UBE4B: variants seen among roughly 807,000 people sequenced by gnomAD.
UBE4B encodes ubiquitination factor E4B.
In UBE4B, 27 loss-of-function variants were observed where a neutral mutation model predicts 148.1. The ratio of observed to expected loss-of-function variants is 0.18; its 90% CI spans 0.13 to 0.25. The LOEUF (loss-of-function observed/expected upper bound fraction) is 0.25. Ranked by LOEUF, UBE4B falls within the 10% of genes least tolerant of loss-of-function variation. The pLI, the probability that UBE4B is intolerant of heterozygous loss-of-function variation, is 1.00. For missense variants in UBE4B, 1,170 were observed against 1,662.4 expected, an observed-to-expected ratio of 0.70 and a Z score of 5.15; for synonymous variants, 596 against 619.3, an observed-to-expected ratio of 0.96 and a Z score of 0.56.
chr1:10,157,017 T>TG (rs1301819507), intron 21 of UBE4B, among the ~76,000 whole-genome samples: 1 of 151,606 alleles, frequency 6.6e-6, no homozygotes, highest in African/African-American at 2.4e-5. Context: ...AAATTAAAAG[T>TG]GAAAAAAAAA....
intron 14 of UBE4B, 85 bp from the exon 15 acceptor site, chr1:10,132,284 A>C (rs539879512): frequency 1.1e-6 from 1 of 949,486 alleles, no homozygotes; most frequent in African/African-American, 1.6e-5. Context: ...GAACGTGGGA[A>C]GTAGGCTAGC....
chr1:10,117,327 T>C, intron 7 of UBE4B, 132 bp from the exon 8 acceptor site: 5 of 1,143,856 alleles, frequency 4.4e-6, no homozygotes, highest in Non-Finnish European at 6.2e-6. Context: ...TCAGGGTGGA[T>C]CTTGGCCGCA....
At chr1:10,121,531 C>T (rs1028722365) in intron 9 of UBE4B, among the ~76,000 whole-genome samples, 7 of 152,086 alleles carry the variant, frequency 4.6e-5, no homozygotes, top group African/African-American at 1.7e-4. Context: ...GTAGCCAGGA[C>T]TCCAGGCACA....
chr1:10,135,776 C>G (rs1273150581), intron 16 of UBE4B, among the ~76,000 whole-genome samples: 1 of 138,744 alleles, frequency 7.2e-6, no homozygotes, highest in Admixed American at 7.3e-5. Flanking sequence ...AAAAAAAAAT[C>G]AAGTTATCAT....
chr1:10,095,401 T>C, intron 2 of UBE4B, 60 bp from the exon 3 acceptor site: 1 of 1,599,026 alleles, frequency 6.3e-7, no homozygotes, highest in Non-Finnish European at 8.5e-7. Context: ...CTGTCGCTAT[T>C]ACAAATAACT....
Position 10,158,396 on chromosome 1 carries a change from G to A in UBE4B, c.2967G>A (p.Lys989=), listed in dbSNP as rs1181053133. 1 of 1,614,136 alleles carries A rather than the reference G, an allele frequency of 6.2e-7. No individual in the cohort carries two copies. The highest frequency in any genetic ancestry group is 1.7e-5 in the Admixed American group (1 of 60,008). Residue 989 remains lysine, a synonymous_variant, in exon 22 of 28, where the codon AAG becomes AAA. Transcript: ENST00000343090. ...HTGATSEFYD[K]FTIRYHISTI... is the part of the protein sequence containing the mutation. Reference sequence around the variant, plus strand: ...GAGCCACCAGTGAGTTTTATGACAAGTTCACAATTCGCTATCATATTAGCA... The same window carrying A: ...GAGCCACCAGTGAGTTTTATGACAAATTCACAATTCGCTATCATATTAGCA...
At chr1:10,119,381 C>T (rs775837082) in intron 8 of UBE4B, 132 bp from the exon 9 acceptor site, 38 of 766,428 alleles carry the variant, frequency 5.0e-5, no homozygotes, top group Non-Finnish European at 7.0e-5. Flanking sequence ...TACTGTAGCT[C>T]GTTCACTAAG....
At chr1:10,118,369 G>A (rs1166835449) in intron 8 of UBE4B, among the ~76,000 whole-genome samples, 2 of 152,008 alleles carry the variant, frequency 1.3e-5, no homozygotes, top group African/African-American at 2.4e-5. Flanking sequence ...ATGGAGTCTC[G>A]TTCTCTCACC....
rs535446273 is a variant in UBE4B, at chr1:10,101,786, C to A, written c.435+591C>A. 9.3e-4 allele frequency among the ~76,000 whole-genome samples: 141 copies of A among 152,174 alleles called. 1 individual carries two copies. The Middle Eastern group carries it at 0.01, about 11-fold the overall frequency. Reference sequence around the variant, plus strand: ...GCTTCCCAAAGTGTGGGATTACAGGCGTGAGCCACTGCGCCTGGCCTGGTC... The same window carrying A: ...GCTTCCCAAAGTGTGGGATTACAGGAGTGAGCCACTGCGCCTGGCCTGGTC... On this transcript the variant is annotated intron_variant, in intron 4 of 27. Transcript: ENST00000343090.
intron 1 of UBE4B, among the ~76,000 whole-genome samples, chr1:10,038,249 C>T (rs1176165303): frequency 6.7e-6 from 1 of 149,832 alleles, no homozygotes; most frequent in African/African-American, 2.5e-5. Flanking sequence ...CACTACACTC[C>T]AGCCTGGGCA....
Position 10,106,393 on chromosome 1 carries a change from A to T in UBE4B, c.1006A>T (p.Thr336Ser), listed in dbSNP as rs1343377721. Reference sequence around the variant, plus strand: ...CCCGCGGTATCGCCCCTACACTGTCACTCACCCATGGGCGTCCTCAGGCGT... The same window carrying T: ...CCCGCGGTATCGCCCCTACACTGTCTCTCACCCATGGGCGTCCTCAGGCGT... The part of the protein sequence containing the change: ...SSPRYRPYTV[T>S]HPWASSGVSI... The change falls in exon 7 of 28, where the codon ACT (threonine) becomes TCT (serine). Residue 336 changes from threonine (T) to serine (S), a missense_variant. Around this residue, in one of 6 missense-constraint regions of UBE4B, gnomAD observed 214 missense variants for 209.1 expected, o/e 1.02. Coordinates refer to ENST00000343090, the MANE Select transcript of UBE4B (RefSeq NM_001105562.3). The surrounding 1 kb of genome is among the most constrained non-coding windows in gnomAD (Gnocchi z 4.2). 1 of 1,612,744 alleles carries T rather than the reference A, an allele frequency of 6.2e-7. No homozygotes were observed. Among genetic ancestry groups the T allele is most frequent in the African/African-American group, 1.3e-5 (1 of 74,846 alleles).
chr1:10,123,427 CAA>C (rs34527607), intron 10 of UBE4B, among the ~76,000 whole-genome samples: 153 of 35,662 alleles, frequency 4.3e-3, no homozygotes, highest in African/African-American at 0.012. Context: ...AAGACTGTCT[CAA>C]AAAAAAAAAA....
At chr1:10,043,417 G>C (rs1253644168) in intron 1 of UBE4B, among the ~76,000 whole-genome samples, 1 of 143,494 alleles carries the variant, frequency 7.0e-6, no homozygotes, top group Non-Finnish European at 1.5e-5. Context: ...AAATTGAGAT[G>C]CTGCTTTTTT....
At position 10,057,420 on chromosome 1, in the gene UBE4B, CTTTTTTTTTT is replaced by C. The variant is rs1359827824; in HGVS notation, c.25-14599_25-14590del. Among the ~76,000 whole-genome samples the C allele has an allele frequency of 3.8e-5, 5 of 132,914 alleles. No homozygotes were observed. The East Asian group carries it at 1.1e-3, about 28-fold the overall frequency. 87.2% of individuals were successfully genotyped at this position (132,914 alleles called of 152,430 possible). A position where few individuals can be genotyped will look rare whatever the true frequency, so the allele number is the denominator to read the frequency against. ...GAAAATACCATTTACAGTCTTTTCT[CTTTTTTTTTT>C]TTTTTTTTGAGACAGAGTGTCTGTT... On this transcript the variant is annotated intron_variant, in intron 1 of 27. Transcript: ENST00000343090.
chr1:10,058,623 G>A lies in UBE4B; in HGVS notation c.25-13405G>A, dbSNP rs1343912548. ...GCAGTGGGGACTCTGGAATCACAGTGACCACAGTCAGTGCTGCATCCTGAG... is the reference window on the plus strand; with the variant it reads ...GCAGTGGGGACTCTGGAATCACAGTAACCACAGTCAGTGCTGCATCCTGAG... On this transcript the variant is annotated intron_variant, in intron 1 of 27. Coordinates refer to ENST00000343090, the MANE Select transcript of UBE4B (RefSeq NM_001105562.3). 3 of 152,580 alleles carry A rather than the reference G, an allele frequency of 2.0e-5. No homozygotes were observed. In the South Asian group the frequency reaches 6.2e-4, roughly 32 times the overall value. 9.5% of individuals were successfully genotyped at this position (152,580 alleles called of 1,614,324 possible). A position where few individuals can be genotyped will look rare whatever the true frequency, so the allele number is the denominator to read the frequency against.
At chr1:10,169,395 A>G (rs1646304692) in intron 24 of UBE4B, among the ~76,000 whole-genome samples, 1 of 152,136 alleles carries the variant, frequency 6.6e-6, no homozygotes, top group African/African-American at 2.4e-5. Flanking sequence ...CAGAGGCACT[A>G]TTGCCACTCC....
intron 1 of UBE4B, among the ~76,000 whole-genome samples, chr1:10,052,631 G>A (rs531652819): frequency 6.6e-6 from 1 of 152,308 alleles, no homozygotes; most frequent in African/African-American, 2.4e-5. Flanking sequence ...TGCTGTTGCT[G>A]TCTTGAAATT....
Position 10,178,774 on chromosome 1 carries a change from C to T in UBE4B, c.3656C>T (p.Ala1219Val), listed in dbSNP as rs143909066. The change falls in exon 26 of 28, where the codon GCA (alanine) becomes GTA (valine). Residue 1219 changes from alanine (A) to valine (V), a missense_variant. Physicochemically the swap from Ala to Val is moderately conservative, Grantham distance 64. Coordinates refer to ENST00000343090, the MANE Select transcript of UBE4B (RefSeq NM_001105562.3). ...EKVEEIVAKN[A>V]RAEIDYSDAP... ...GTGGAGGAGATAGTGGCCAAGAACG[C>T]ACGCGCAGAAATCGACTACAGCGAC... 1.9e-5 allele frequency: 30 copies of T among 1,613,330 alleles called. No individual in the cohort carries two copies. Among genetic ancestry groups the T allele is most frequent in the Non-Finnish European group, 2.5e-5 (30 of 1,179,832 alleles).
At chr1:10,134,336 C>A (rs1645642872) in intron 15 of UBE4B, among the ~76,000 whole-genome samples, 2 of 151,784 alleles carry the variant, frequency 1.3e-5, no homozygotes, top group Admixed American at 1.3e-4. Context: ...TATGGTGAAA[C>A]CCCATCTCTA....
Sources: allele counts gnomAD v4.1 joint callset (sites outside exome capture counted in the v4.1 genomes callset), GRCh38; gene constraint gnomAD v4.1.1; regional missense constraint gnomAD v4.1.1; non-coding constraint Gnocchi (gnomAD v3.1); transcripts MANE v1.5; gene names NCBI Gene and HGNC (gene_info 2026-07-23, HGNC 2026-07-21).